The following FHIT variants were observed in gnomAD, a reference collection of about 807,000 sequenced individuals.
FHIT encodes the protein fragile histidine triad diadenosine triphosphatase.
Under a neutral mutation model 17.9 loss-of-function variants are expected in FHIT, and 19 were observed. That is an observed-to-expected ratio of 1.06 (90% CI 0.74 to 1.56). The LOEUF (loss-of-function observed/expected upper bound fraction) is 1.56. FHIT is among the 40% of genes most tolerant of loss of function. FHIT has a pLI of 0.00. For synonymous variants in FHIT, 81 were observed against 69.7 expected (o/e 1.16, Z -0.81); for missense variants, 248 against 189.2 (o/e 1.31, Z -1.82).
chr3:61,138,677 C>G (rs1229342128), intron 2 of FHIT, among the ~76,000 whole-genome samples: 1 of 152,184 alleles, frequency 6.6e-6, no homozygotes, highest in African/African-American at 2.4e-5. Context: ...ATCAGCACAT[C>G]CTTCTAACTC....
chr3:60,588,370 C>A (rs560791003), intron 4 of FHIT, among the ~76,000 whole-genome samples: 51 of 151,766 alleles, frequency 3.4e-4, no homozygotes, highest in Admixed American at 2.1e-3. Flanking sequence ...TGACTGAAAT[C>A]TAAGTACGGA....
At chr3:60,721,102 G>A (rs1332487866) in intron 4 of FHIT, among the ~76,000 whole-genome samples, 1 of 151,904 alleles carries the variant, frequency 6.6e-6, no homozygotes, top group Admixed American at 6.6e-5. Flanking sequence ...TGCTTTGTGG[G>A]AGCAATTAAT....
chr3:60,296,269 C>T (rs552423971), intron 5 of FHIT, among the ~76,000 whole-genome samples: 1 of 152,158 alleles, frequency 6.6e-6, no homozygotes, highest in African/African-American at 2.4e-5. Flanking sequence ...GCAAGAAGAA[C>T]TTTCACATAA....
intron 3 of FHIT, among the ~76,000 whole-genome samples, chr3:60,963,878 G>A (rs935454877): frequency 1.3e-5 from 2 of 152,204 alleles, no homozygotes; most frequent in African/African-American, 2.4e-5. Context: ...GAATAAGTGC[G>A]ATGTGGTGCT....
chr3:60,194,377 T>C (rs1254555326), intron 5 of FHIT, among the ~76,000 whole-genome samples: 3 of 152,152 alleles, frequency 2.0e-5, no homozygotes, highest in East Asian at 3.9e-4. Context: ...GAAACCTGGA[T>C]AGCCCCATGT....
chr3:60,915,256 A>G (rs2107288855), intron 3 of FHIT, among the ~76,000 whole-genome samples: 1 of 152,300 alleles, frequency 6.6e-6, no homozygotes, highest in Non-Finnish European at 1.5e-5. Context: ...AACAATGATT[A>G]AAACATTTTA....
chr3:60,854,337 T>C (rs1320271269), intron 3 of FHIT, among the ~76,000 whole-genome samples: 3 of 152,154 alleles, frequency 2.0e-5, no homozygotes, highest in African/African-American at 7.2e-5. Context: ...TCAGTGTTTT[T>C]AGCTTTGGAA....
At chr3:60,614,355 A>T (rs2038875573) in intron 4 of FHIT, among the ~76,000 whole-genome samples, 1 of 152,202 alleles carries the variant, frequency 6.6e-6, no homozygotes, top group South Asian at 2.1e-4. Context: ...TCACACCTAC[A>T]ATCCCAGCAC....
chr3:60,211,910 C>T (rs1703469074), intron 5 of FHIT, among the ~76,000 whole-genome samples: 1 of 151,988 alleles, frequency 6.6e-6, no homozygotes, highest in Non-Finnish European at 1.5e-5. Context: ...ATGATGAGGC[C>T]AATATATACA....
chr3:60,871,211 G>A (rs1226792016), intron 3 of FHIT, among the ~76,000 whole-genome samples: 11 of 152,044 alleles, frequency 7.2e-5, no homozygotes, highest in African/African-American at 2.7e-4. Context: ...ATTATAATAA[G>A]TTACATTAGA....
chr3:59,981,317 T>C (rs995778944), intron 7 of FHIT, among the ~76,000 whole-genome samples: 2 of 152,190 alleles, frequency 1.3e-5, no homozygotes, highest in Non-Finnish European at 2.9e-5. Flanking sequence ...AACTGAACGC[T>C]GTCCTGTCTT....
chr3:60,010,137 T>A (rs1327190096), intron 7 of FHIT, among the ~76,000 whole-genome samples: 2 of 152,200 alleles, frequency 1.3e-5, no homozygotes, highest in Non-Finnish European at 2.9e-5. Flanking sequence ...TTTTAAAAAA[T>A]CTTGGAACCA....
At chr3:60,507,500 C>T (rs1018178195) in intron 5 of FHIT, among the ~76,000 whole-genome samples, 2 of 152,160 alleles carry the variant, frequency 1.3e-5, no homozygotes, top group East Asian at 3.9e-4. Context: ...TGTTTTTTTA[C>T]AACAACAACA....
intron 4 of FHIT, among the ~76,000 whole-genome samples, chr3:60,595,172 A>T (rs1408652947): frequency 6.6e-6 from 1 of 152,090 alleles, no homozygotes; most frequent in Non-Finnish European, 1.5e-5. Flanking sequence ...TTCAAGCCAA[A>T]GTTGAACAGT....
At chr3:60,877,983 C>G (rs533133967) in intron 3 of FHIT, among the ~76,000 whole-genome samples, 1 of 152,220 alleles carries the variant, frequency 6.6e-6, no homozygotes, top group South Asian at 2.1e-4. Flanking sequence ...TTTACCACTA[C>G]ATAGTTCTTC....
chr3:60,626,749 A>G (rs192584225), intron 4 of FHIT, among the ~76,000 whole-genome samples: 1 of 143,522 alleles, frequency 7.0e-6, no homozygotes, highest in African/African-American at 2.6e-5. Context: ...AAGAGGGGAT[A>G]TCTGTGCCTT....
intron 4 of FHIT, among the ~76,000 whole-genome samples, chr3:60,733,217 G>A (rs1295716696): frequency 3.3e-5 from 5 of 152,140 alleles, no homozygotes; most frequent in Non-Finnish European, 5.9e-5. Context: ...CATGGCAATC[G>A]CTACTCCCTC....
chr3:60,990,564 C>T (rs149035258), intron 3 of FHIT, among the ~76,000 whole-genome samples: 251 of 152,270 alleles, frequency 1.6e-3, no homozygotes, highest in African/African-American at 5.6e-3. Flanking sequence ...GGACAGGAAA[C>T]AGTGTCCCCA....
At chr3:60,992,819 A>T (rs1267198432) in intron 3 of FHIT, among the ~76,000 whole-genome samples, 1 of 152,212 alleles carries the variant, frequency 6.6e-6, no homozygotes, top group Non-Finnish European at 1.5e-5. Flanking sequence ...CTCTATAAAG[A>T]ATAAAAATAA....
Sources: gnomAD v4.1 joint callset for allele counts (sites outside exome capture counted in the v4.1 genomes callset) on GRCh38, gnomAD v4.1.1 for gene constraint, MANE v1.5 for transcripts, NCBI Gene and HGNC (gene_info 2026-07-23, HGNC 2026-07-21) for gene names.